The following THSD7B variants were observed in gnomAD, a reference collection of about 807,000 sequenced individuals.
THSD7B encodes the protein thrombospondin type 1 domain containing 7B.
Under a neutral mutation model 213.6 loss-of-function variants are expected in THSD7B, and 138 were observed. The ratio of observed to expected loss-of-function variants is 0.65; its 90% CI spans 0.56 to 0.74. The LOEUF (loss-of-function observed/expected upper bound fraction) is 0.74. Among genes scored for constraint, THSD7B ranks in the 30% least tolerant of loss-of-function variants. The pLI is 0.00. For synonymous variants in THSD7B, 742 were observed against 687.0 expected, an observed-to-expected ratio of 1.08 and a Z score of -1.25; for missense variants, 1,931 against 1,991.5, an observed-to-expected ratio of 0.97 and a Z score of 0.58.
At chr2:137,049,991 T>C (rs1173659152) in intron 2 of THSD7B, among the ~76,000 whole-genome samples, 1 of 152,138 alleles carries the variant, frequency 6.6e-6, no homozygotes, top group Non-Finnish European at 1.5e-5. Context: ...GGATTGGGTG[T>C]GTGTAAATAA....
chr2:137,651,049 C>G (rs932715893), intron 21 of THSD7B, among the ~76,000 whole-genome samples: 1 of 152,066 alleles, frequency 6.6e-6, no homozygotes, highest in South Asian at 2.1e-4. Context: ...TTTTGCTATG[C>G]CCGTTTCTGG....
At chr2:137,514,191 C>G (rs917436200) in intron 15 of THSD7B, among the ~76,000 whole-genome samples, 5 of 152,144 alleles carry the variant, frequency 3.3e-5, no homozygotes, top group Non-Finnish European at 5.9e-5. Flanking sequence ...AAGATGCAAA[C>G]TACTGTTCCT....
At chr2:137,342,715 T>C (rs1684788526) in intron 12 of THSD7B, among the ~76,000 whole-genome samples, 1 of 151,454 alleles carries the variant, frequency 6.6e-6, no homozygotes, top group Non-Finnish European at 1.5e-5. Context: ...AAGATTTTGT[T>C]TTGTTTTGTT....
At chr2:137,539,331 T>C (rs145386552) in intron 15 of THSD7B, among the ~76,000 whole-genome samples, 1 of 151,592 alleles carries the variant, frequency 6.6e-6, no homozygotes, top group Non-Finnish European at 1.5e-5. Context: ...GAAAATCAAA[T>C]GGCTAGGTGG....
intron 10 of THSD7B, among the ~76,000 whole-genome samples, chr2:137,246,503 AT>A (rs1682042679): frequency 6.6e-6 from 1 of 152,190 alleles, no homozygotes; most frequent in African/African-American, 2.4e-5. Context: ...CAATGGATGA[AT>A]TCCGTCAGGT....
At chr2:137,423,227 G>C (rs1019455599) in intron 14 of THSD7B, among the ~76,000 whole-genome samples, 12 of 151,964 alleles carry the variant, frequency 7.9e-5, no homozygotes, top group Non-Finnish European at 1.6e-4. Flanking sequence ...CCTGAGATCA[G>C]GGAAAAAACA....
At chr2:137,415,989 A>T (rs1322129724) in intron 14 of THSD7B, among the ~76,000 whole-genome samples, 1 of 152,220 alleles carries the variant, frequency 6.6e-6, no homozygotes, top group Admixed American at 6.5e-5. Flanking sequence ...GAAACTTATT[A>T]AAAATGTCTT....
chr2:137,060,146 T>TTGCCA (rs1344921895), intron 3 of THSD7B, among the ~76,000 whole-genome samples: 1 of 152,184 alleles, frequency 6.6e-6, no homozygotes, highest in African/African-American at 2.4e-5. Flanking sequence ...ATACACTTGC[T>TTGCCA]TGCCATCTGT....
At chr2:136,833,026 G>T (rs1682780810) in intron 1 of THSD7B, among the ~76,000 whole-genome samples, 1 of 152,066 alleles carries the variant, frequency 6.6e-6, no homozygotes, top group African/African-American at 2.4e-5. Flanking sequence ...TTTGTGTTGG[G>T]TGATTATCAT....
chr2:137,228,747 G>A (rs1036466243), intron 7 of THSD7B, among the ~76,000 whole-genome samples: 4 of 152,094 alleles, frequency 2.6e-5, no homozygotes, highest in South Asian at 4.1e-4. Context: ...TTTGAATCAC[G>A]CAGTTGCAAC....
chr2:137,271,901 GT>G (rs1682747589), intron 10 of THSD7B, among the ~76,000 whole-genome samples: 1 of 152,056 alleles, frequency 6.6e-6, no homozygotes, highest in African/African-American at 2.4e-5. Flanking sequence ...AACATCAGTT[GT>G]TTTTTAATTG....
chr2:136,927,695 G>C (rs893181564), intron 2 of THSD7B, among the ~76,000 whole-genome samples: 15 of 152,170 alleles, frequency 9.9e-5, no homozygotes, highest in African/African-American at 3.4e-4. Context: ...AGTCTACTTT[G>C]GTTCAAACAA....
intron 20 of THSD7B, among the ~76,000 whole-genome samples, chr2:137,635,610 C>T (rs951494255): frequency 2.0e-5 from 3 of 152,002 alleles, no homozygotes; most frequent in African/African-American, 7.3e-5. Flanking sequence ...TCATTACAGG[C>T]ATGTTTCAGG....
chr2:136,928,685 CTTATT>C (rs1362671933), intron 2 of THSD7B, among the ~76,000 whole-genome samples: 4 of 152,020 alleles, frequency 2.6e-5, no homozygotes, highest in African/African-American at 9.7e-5. Flanking sequence ...TGATATGCAT[CTTATT>C]TTAATTTGAG....
intron 12 of THSD7B, among the ~76,000 whole-genome samples, chr2:137,284,216 G>C (rs1403547070): frequency 6.6e-6 from 1 of 152,146 alleles, no homozygotes; most frequent in Admixed American, 6.5e-5. Flanking sequence ...TCTGATGGTA[G>C]TTTGTATTTC....
chr2:137,161,132 A>T (rs912692603), intron 6 of THSD7B, among the ~76,000 whole-genome samples: 8 of 152,090 alleles, frequency 5.3e-5, no homozygotes, highest in Non-Finnish European at 7.4e-5. Context: ...AAAATCTTCA[A>T]CCTTTATATT....
At chr2:137,661,948 A>G (rs62168470) in intron 25 of THSD7B, among the ~76,000 whole-genome samples, 13,508 of 151,914 alleles carry the variant, frequency 0.089, 680 homozygotes, top group Middle Eastern at 0.16. Flanking sequence ...AAGATCATAT[A>G]CCAGTTAAAC....
intron 2 of THSD7B, among the ~76,000 whole-genome samples, chr2:136,890,274 T>A (rs1179388152): frequency 8.2e-6 from 1 of 122,660 alleles, no homozygotes; most frequent in African/African-American, 3.1e-5. Flanking sequence ...ATTGGTGTAC[T>A]CATTGCTCAT....
chr2:137,500,122 G>C (rs371257305), intron 15 of THSD7B, among the ~76,000 whole-genome samples: 1 of 151,824 alleles, frequency 6.6e-6, no homozygotes, highest in Non-Finnish European at 1.5e-5. Context: ...CCAATCAAAG[G>C]CTCCTCTTTC....
Sources: allele counts gnomAD v4.1 joint callset (sites outside exome capture counted in the v4.1 genomes callset), GRCh38; gene constraint gnomAD v4.1.1; transcripts MANE v1.5; gene names NCBI Gene and HGNC (gene_info 2026-07-23, HGNC 2026-07-21).